The following MAPK10 variants were observed in gnomAD, a reference collection of about 807,000 sequenced individuals.
MAPK10 encodes JNK3 alpha protein kinase.
Under a neutral mutation model 59.3 loss-of-function variants are expected in MAPK10, and 25 were observed. The ratio of observed to expected loss-of-function variants is 0.42; its 90% confidence interval spans 0.31 to 0.59. The LOEUF (loss-of-function observed/expected upper bound fraction) is 0.59, where lower values mean the gene tolerates loss of function less well. Ranked by LOEUF, MAPK10 falls within the 20% of genes least tolerant of loss-of-function variation. The pLI, the probability that MAPK10 is intolerant of heterozygous loss-of-function variation, is 0.15. For synonymous variants in MAPK10, 190 were observed against 200.5 expected (o/e 0.95, Z 0.44); for missense variants, 351 against 568.9 (o/e 0.62, Z 3.90).
At chr4:86,518,114 C>T (rs1756836974) in intron 1 of MAPK10, among the ~76,000 whole-genome samples, 2 of 152,162 alleles carry the variant, frequency 1.3e-5, no homozygotes. Flanking sequence ...CCTTCACCTC[C>T]CAGGTTAAAG....
intron 1 of MAPK10, among the ~76,000 whole-genome samples, chr4:86,583,955 C>G (rs953059721): frequency 1.3e-5 from 2 of 152,054 alleles, no homozygotes; most frequent in African/African-American, 2.4e-5. Flanking sequence ...AAAGAAAGGG[C>G]TGGTGAATGA....
intron 1 of MAPK10, among the ~76,000 whole-genome samples, chr4:86,476,807 C>G (rs1753129419): frequency 6.6e-6 from 1 of 152,178 alleles, no homozygotes; most frequent in Non-Finnish European, 1.5e-5. Context: ...CTCCAAACGC[C>G]TGAACCACAG....
intron 1 of MAPK10, among the ~76,000 whole-genome samples, chr4:86,419,264 T>TA (rs1174053757): frequency 1.3e-5 from 2 of 152,238 alleles, no homozygotes; most frequent in Non-Finnish European, 2.9e-5. Context: ...TACGTGTTTT[T>TA]ATCAATTGTA....
At chr4:86,508,472 T>A (rs532530879) in intron 1 of MAPK10, among the ~76,000 whole-genome samples, 1 of 152,282 alleles carries the variant, frequency 6.6e-6, no homozygotes, top group South Asian at 2.1e-4. Context: ...GTCCTTCTGG[T>A]TTGAGTTATC....
chr4:86,238,491 T>C (rs1458340697), intron 2 of MAPK10, among the ~76,000 whole-genome samples: 1 of 152,176 alleles, frequency 6.6e-6, no homozygotes, highest in Non-Finnish European at 1.5e-5. Context: ...ATGGAATGTT[T>C]TTCCTCTGTT....
At chr4:86,113,977 G>A (rs2057931039) in intron 4 of MAPK10, among the ~76,000 whole-genome samples, 1 of 152,114 alleles carries the variant, frequency 6.6e-6, no homozygotes, top group Non-Finnish European at 1.5e-5. Flanking sequence ...TTCAGGCTCT[G>A]AGATCCTTTC....
Position 86,354,652 on chromosome 4 carries a change from C to A in MAPK10, c.-121-8G>T. The A allele has an allele frequency of 8.9e-7, 1 of 1,121,100 alleles. No homozygotes were observed. The highest frequency in any genetic ancestry group is 4.5e-5 in the South Asian group (1 of 22,098). The allele number at this position is 1,121,100 out of a possible 1,614,324, so 69.4% of individuals were successfully genotyped here. A position where few individuals can be genotyped will look rare whatever the true frequency, so the allele number is the denominator to read the frequency against. On this transcript the variant is annotated splice_region_variant and splice_polypyrimidine_tract_variant and intron_variant, in intron 1 of 13. Coordinates refer to ENST00000641462, the MANE Select transcript of MAPK10 (RefSeq NM_138982.4). ...GGTGTTTCTCACACTAGCCTGAAAG[C>A]AAAGCCAAAAAACAGATGAGTTTGA...
At chr4:86,579,617 T>C (rs1349282765) in intron 1 of MAPK10, among the ~76,000 whole-genome samples, 2 of 151,954 alleles carry the variant, frequency 1.3e-5, no homozygotes, top group Non-Finnish European at 2.9e-5. Flanking sequence ...TGTTTTGGGA[T>C]ACAATTTAAT....
chr4:86,085,135 A>G (rs1214698219), intron 9 of MAPK10, among the ~76,000 whole-genome samples: 4 of 152,248 alleles, frequency 2.6e-5, no homozygotes, highest in Non-Finnish European at 2.9e-5. Context: ...GCTTCAAATT[A>G]TCAATCTTCT....
chr4:86,180,726 T>C (rs140084333), intron 3 of MAPK10, among the ~76,000 whole-genome samples: 116 of 152,124 alleles, frequency 7.6e-4, no homozygotes, highest in Middle Eastern at 3.4e-3. Flanking sequence ...GAAGACATTA[T>C]GTTAAGTGAA....
At chr4:86,264,251 ATTAAAG>A (rs1331269967) in intron 2 of MAPK10, among the ~76,000 whole-genome samples, 1 of 152,214 alleles carries the variant, frequency 6.6e-6, no homozygotes, top group Non-Finnish European at 1.5e-5. Flanking sequence ...TTCCTTTAAC[ATTAAAG>A]TTATTTTTTG....
chr4:86,264,620 TAA>T (rs1347636356), intron 2 of MAPK10, among the ~76,000 whole-genome samples: 2 of 152,228 alleles, frequency 1.3e-5, no homozygotes, highest in Admixed American at 1.3e-4. Context: ...TAATTAGAAA[TAA>T]GTTTAAAATG....
chr4:86,019,868 T>C (rs1030415176), intron 13 of MAPK10, among the ~76,000 whole-genome samples: 1 of 152,254 alleles, frequency 6.6e-6, no homozygotes. Flanking sequence ...TTTCAAATTA[T>C]GGTGCTACAG....
At chr4:86,342,304 T>C (rs1390548828) in intron 2 of MAPK10, among the ~76,000 whole-genome samples, 2 of 152,166 alleles carry the variant, frequency 1.3e-5, no homozygotes. Context: ...AGACTTAGAA[T>C]AAACAAAATG....
At chr4:86,559,547 A>T (rs1565041719) in intron 1 of MAPK10, among the ~76,000 whole-genome samples, 1 of 152,220 alleles carries the variant, frequency 6.6e-6, no homozygotes, top group African/African-American at 2.4e-5. Flanking sequence ...CAATGCAAAG[A>T]TTACATTTCA....
chr4:86,511,464 G>A (rs951107895), intron 1 of MAPK10, among the ~76,000 whole-genome samples: 2 of 152,166 alleles, frequency 1.3e-5, no homozygotes, highest in African/African-American at 4.8e-5. Flanking sequence ...TACTCAGGAG[G>A]CAGAGGTGGG....
intron 3 of MAPK10, among the ~76,000 whole-genome samples, chr4:86,180,163 A>G (rs2076576875): frequency 6.6e-6 from 1 of 151,944 alleles, no homozygotes; most frequent in African/African-American, 2.4e-5. Flanking sequence ...ATTATAAAAT[A>G]AACAAATGAT....
At chr4:86,462,342 G>A (rs1751822137) in intron 1 of MAPK10, among the ~76,000 whole-genome samples, 1 of 152,172 alleles carries the variant, frequency 6.6e-6, no homozygotes. Context: ...ACAGAGCCAG[G>A]AGAGCCTATA....
chr4:86,054,856 A>G (rs1318488835), intron 11 of MAPK10, among the ~76,000 whole-genome samples: 2 of 152,170 alleles, frequency 1.3e-5, no homozygotes, highest in African/African-American at 4.8e-5. Context: ...AAATCCAAAG[A>G]CTCAAAGAGG....
Sources: allele counts gnomAD v4.1 joint callset (sites outside exome capture counted in the v4.1 genomes callset), GRCh38; gene constraint gnomAD v4.1.1; transcripts MANE v1.5; gene names NCBI Gene and HGNC (gene_info 2026-07-23, HGNC 2026-07-21).